RANBP17: variants seen among roughly 807,000 people sequenced by gnomAD.
The protein encoded by RANBP17 is RAN binding protein 17.
Under a neutral mutation model 141.2 loss-of-function variants are expected in RANBP17, and 158 were observed. The observed-to-expected ratio is 1.12, with a 90% CI of 0.98 to 1.28. RANBP17 has a LOEUF of 1.28. Ranked by LOEUF, RANBP17 falls within the 50% of genes most tolerant of loss-of-function variation. The probability of loss-of-function intolerance (pLI) is 0.00; values close to 1 mark genes in which losing one functional copy is unlikely to be tolerated. For missense variants in RANBP17, 1,438 were observed against 1,290.7 expected (o/e 1.11, Z -1.75); for synonymous variants, 430 against 450.0 (o/e 0.96, Z 0.56).
chr5:170,938,868 G>T (rs1774099172), intron 12 of RANBP17, among the ~76,000 whole-genome samples: 1 of 152,102 alleles, frequency 6.6e-6, no homozygotes, highest in South Asian at 2.1e-4. Context: ...GAGGAAGGAG[G>T]AGAGGTGATA....
intron 14 of RANBP17, among the ~76,000 whole-genome samples, chr5:171,156,144 G>A (rs929806736): frequency 2.0e-5 from 3 of 151,916 alleles, no homozygotes; most frequent in Admixed American, 1.3e-4. Flanking sequence ...TAATGTTTCC[G>A]AAATTACCTA....
At chr5:171,197,511 T>G (rs1762042735) in intron 18 of RANBP17, among the ~76,000 whole-genome samples, 1 of 152,206 alleles carries the variant, frequency 6.6e-6, no homozygotes, top group African/African-American at 2.4e-5. Flanking sequence ...TCTCCTTCAC[T>G]GAGAAACTCA....
chr5:171,092,518 A>G (rs570305557), intron 14 of RANBP17, among the ~76,000 whole-genome samples: 4 of 152,276 alleles, frequency 2.6e-5, no homozygotes, highest in Admixed American at 6.5e-5. Flanking sequence ...ATTAGGACAA[A>G]CCCGGTATAA....
chr5:171,252,387 G>A, intron 24 of RANBP17: 1 of 1,534,972 alleles, frequency 6.5e-7, no homozygotes, highest in South Asian at 1.1e-5. Flanking sequence ...GTGAAACTAT[G>A]AGCAGCAAAG....
chr5:170,876,163 C>G (rs370627298), intron 1 of RANBP17, among the ~76,000 whole-genome samples: 12 of 152,254 alleles, frequency 7.9e-5, no homozygotes, highest in African/African-American at 2.9e-4. Context: ...AACCGCTTCA[C>G]TTGGCTGGGA....
intron 14 of RANBP17, among the ~76,000 whole-genome samples, chr5:170,999,184 A>C: frequency 6.6e-6 from 1 of 152,110 alleles, no homozygotes; most frequent in East Asian, 1.9e-4. Context: ...AGTAGAGCCT[A>C]TATCAGTGTT....
At chr5:170,903,204 A>G (rs2059179) in intron 5 of RANBP17, among the ~76,000 whole-genome samples, 104,814 of 152,186 alleles carry the variant, frequency 0.69, 36,261 homozygotes, top group South Asian at 0.9. Flanking sequence ...TGCGCAGAGA[A>G]GAGGAATCTA....
rs1395042346 is a variant in RANBP17 at position 171,260,492 on chromosome 5, CAG to C, written c.2777-5185_2777-5184del. Reference sequence around the variant, plus strand: ...AAAAAAAAAAAAAAGAGATAGATAACAGAGACGAAAAGGTGAGTGGGGGCAAG... The same window carrying C: ...AAAAAAAAAAAAAAGAGATAGATAACAGACGAAAAGGTGAGTGGGGGCAAG... On this transcript the variant is annotated intron_variant, in intron 24 of 27. Transcript: ENST00000523189. Among the ~76,000 whole-genome samples the C allele has an allele frequency of 1.8e-3, 256 of 145,694 alleles. 1 individual carries two copies. Among genetic ancestry groups the C allele is most frequent in the African/African-American group, 5.7e-3 (224 of 39,524 alleles).
intron 14 of RANBP17, among the ~76,000 whole-genome samples, chr5:171,047,631 G>A (rs1356700170): frequency 6.6e-6 from 1 of 151,586 alleles, no homozygotes; most frequent in Non-Finnish European, 1.5e-5. Context: ...GTAGAGACAG[G>A]GTTTCACCAT....
chr5:170,962,110 C>G (rs1281827309), intron 13 of RANBP17, among the ~76,000 whole-genome samples: 1 of 152,218 alleles, frequency 6.6e-6, no homozygotes, highest in Non-Finnish European at 1.5e-5. Context: ...CCTGATACAT[C>G]TTGGAGCACC....
chr5:171,267,771 A>G lies in RANBP17; in HGVS notation c.2943+1924A>G, dbSNP rs899455920. ...GCAGTGAGCGAGATCACACCACTGC[A>G]CTCCAGCTTGGCGACAGAGCTCCAT... On this transcript the variant is annotated intron_variant, in intron 25 of 27. Coordinates refer to ENST00000523189, the MANE Select transcript of RANBP17 (RefSeq NM_022897.5). Among the ~76,000 whole-genome samples, 4 of 152,062 alleles carry G rather than the reference A, an allele frequency of 2.6e-5. 1 individual carries two copies. Among genetic ancestry groups the G allele is most frequent in the Admixed American group, 2.6e-4 (4 of 15,250 alleles).
chr5:171,222,928 C>T (rs185108638), intron 22 of RANBP17, among the ~76,000 whole-genome samples: 8 of 152,230 alleles, frequency 5.3e-5, no homozygotes, highest in Non-Finnish European at 1.0e-4. Context: ...TGCACCCAGC[C>T]GTGATTCTAA....
intron 14 of RANBP17, among the ~76,000 whole-genome samples, 182 bp from the exon 15 acceptor site, chr5:171,169,948 A>G (rs1268266370): frequency 6.6e-6 from 1 of 152,098 alleles, no homozygotes; most frequent in East Asian, 1.9e-4. Context: ...GATCTGGAGG[A>G]AAAAGTTAGC....
chr5:171,279,315 T>C (rs1298654823), intron 25 of RANBP17, among the ~76,000 whole-genome samples: 1 of 152,174 alleles, frequency 6.6e-6, no homozygotes, highest in Non-Finnish European at 1.5e-5. Context: ...ATACCGTAGA[T>C]TGAGTAATAT....
chr5:171,171,316 T>C, intron 16 of RANBP17, 30 bp downstream of exon 16: 2 of 1,270,178 alleles, frequency 1.6e-6, no homozygotes, highest in Non-Finnish European at 2.2e-6. Flanking sequence ...TCTGACATTA[T>C]GTGTAAACAA....
At position 170,940,593 on chromosome 5, in the gene RANBP17, C is replaced by T. The variant is rs1312387574; in HGVS notation, c.1469-13004C>T. ...AGTACTTAGTGAAGTAGTATCAAAACATATCAAGCAAAAATTGATAGTCGT... is the reference window on the plus strand; with the variant it reads ...AGTACTTAGTGAAGTAGTATCAAAATATATCAAGCAAAAATTGATAGTCGT... On this transcript the variant is annotated intron_variant, in intron 12 of 27. Coordinates refer to ENST00000523189, the MANE Select transcript of RANBP17 (RefSeq NM_022897.5). 5.3e-5 allele frequency among the ~76,000 whole-genome samples: 8 copies of T among 152,190 alleles called. No homozygotes were observed. In the East Asian group the frequency reaches 1.5e-3, roughly 29 times the overall value.
At chr5:171,199,444 A>G (rs1581846103) in intron 18 of RANBP17, among the ~76,000 whole-genome samples, 1 of 149,968 alleles carries the variant, frequency 6.7e-6, no homozygotes, top group East Asian at 1.9e-4. Flanking sequence ...AAGAACCAGG[A>G]AAAAAAAAAT....
intron 14 of RANBP17, among the ~76,000 whole-genome samples, chr5:171,009,299 TAA>T (rs1371473823): frequency 6.6e-6 from 1 of 152,206 alleles, no homozygotes; most frequent in Non-Finnish European, 1.5e-5. Context: ...ATAATAAATA[TAA>T]AGAGTGTCAA....
chr5:171,008,694 C>A (rs755215143), intron 14 of RANBP17, among the ~76,000 whole-genome samples: 7 of 152,108 alleles, frequency 4.6e-5, no homozygotes, highest in East Asian at 1.9e-4. Flanking sequence ...TCATCAGTTA[C>A]GGTGGGGCAA....
Sources: allele counts gnomAD v4.1 joint callset (sites outside exome capture counted in the v4.1 genomes callset), GRCh38; gene constraint gnomAD v4.1.1; transcripts MANE v1.5; gene names NCBI Gene and HGNC (gene_info 2026-07-23, HGNC 2026-07-21).